Variants in CHM observed in about 807,000 individuals in gnomAD.
CHM encodes the protein CHM Rab escort protein, also known as rab proteins geranylgeranyltransferase component A 1.
In CHM, 10 loss-of-function variants were observed where a neutral mutation model predicts 49.0. The ratio of observed to expected loss-of-function variants is 0.20; its 90% CI spans 0.13 to 0.35. CHM has a LOEUF of 0.35. CHM is among the 10% of genes least tolerant of loss of function. CHM has a pLI of 1.00. For missense variants in CHM, 455 were observed against 478.4 expected, an observed-to-expected ratio of 0.95 and a Z score of 0.46; for synonymous variants, 184 against 167.5, an observed-to-expected ratio of 1.10 and a Z score of -0.76.
chrX:85,963,708 AT>A lies in CHM; in HGVS notation c.658del (p.Ile220LeufsTer12), dbSNP rs1930413031. 8.3e-7 allele frequency: 1 copy of A among 1,199,839 alleles called. No individual in the cohort carries two copies. Among genetic ancestry groups the A allele is most frequent in the Non-Finnish European group, 1.1e-6 (1 of 886,341 alleles). ...ATTAAATCTCCTGCCTTCTTTAATA[AT>A]TTGTGAGTAAGTAATTCTGTTTTTC... ...PKKNRITYSQ[I>X]IKEGRRFNID... On this transcript the variant is annotated frameshift_variant, in exon 5 of 15. Transcript: ENST00000357749. LOFTEE classifies it high-confidence loss of function.
intron 2 of CHM, among the ~76,000 whole-genome samples, chrX:86,023,406 C>A (rs1933684032): frequency 9.0e-6 from 1 of 110,984 alleles, no homozygotes; most frequent in South Asian, 3.8e-4. Context: ...CCAGCTCCAA[C>A]CCCTACTAGT....
chrX:86,001,371 T>C (rs765791741), intron 2 of CHM, among the ~76,000 whole-genome samples: 102 of 110,719 alleles, frequency 9.2e-4, no homozygotes, highest in Middle Eastern at 4.7e-3. Context: ...AAAAAAATAC[T>C]ATACTGCCAG....
chrX:85,864,735 G>C lies in CHM; in HGVS notation c.1857C>G (p.Asp619Glu), dbSNP rs775683467. 6 of 1,207,058 alleles carry C rather than the reference G, an allele frequency of 5.0e-6. No homozygotes were observed. The South Asian group carries it at 7.1e-5, about 14-fold the overall frequency. Residue 619 changes from aspartate to glutamate, a missense_variant, in exon 15 of 15, where the codon GAC becomes GAG. Physicochemically the swap from Asp to Glu is conservative, Grantham distance 45. Coordinates refer to ENST00000357749, the MANE Select transcript of CHM (RefSeq NM_000390.4). ...PNPEDIILDG[D>E]SLQPEASESS... Reference sequence around the variant, plus strand: ...ATTCTGAAGCCTCTGGCTGTAAACTGTCTCCATCAAGGATAATGTCTTCAG... The same window carrying C: ...ATTCTGAAGCCTCTGGCTGTAAACTCTCTCCATCAAGGATAATGTCTTCAG...
At chrX:85,884,769 T>C (rs769045293) in intron 12 of CHM, among the ~76,000 whole-genome samples, 2 of 110,914 alleles carry the variant, frequency 1.8e-5, no homozygotes, top group South Asian at 7.6e-4. Context: ...CTTAAGCACA[T>C]TCTTGAGCAC....
chrX:86,027,591 T>C (rs750326448), intron 1 of CHM, 34 bp from the exon 2 acceptor site: 1 of 1,109,334 alleles, frequency 9.0e-7, no homozygotes. Context: ...ATTTAGAATG[T>C]AGAAATATAT....
intron 11 of CHM, among the ~76,000 whole-genome samples, chrX:85,896,413 G>A (rs778102918): frequency 5.3e-4 from 59 of 111,311 alleles, no homozygotes; most frequent in Middle Eastern, 4.6e-3. Context: ...GAGAGGGAAG[G>A]AAGAAGTTGC....
At chrX:85,929,177 G>A (rs1603253591) in intron 8 of CHM, among the ~76,000 whole-genome samples, 1 of 111,615 alleles carries the variant, frequency 9.0e-6, no homozygotes, top group Admixed American at 9.5e-5. Context: ...CATTGGTATT[G>A]TCACAAACAC....
intron 1 of CHM, among the ~76,000 whole-genome samples, chrX:86,027,824 C>T (rs1933894308): frequency 9.1e-6 from 1 of 110,269 alleles, no homozygotes; most frequent in Admixed American, 9.7e-5. Context: ...AGTACAGTGG[C>T]GCGATCTCGG....
intron 14 of CHM, among the ~76,000 whole-genome samples, chrX:85,867,288 T>A (rs1490074441): frequency 9.0e-6 from 1 of 111,651 alleles, no homozygotes; most frequent in African/African-American, 3.3e-5. Context: ...CTTTCTTTGC[T>A]CTCCTGCCGC....
At chrX:85,976,684 A>C (rs1049239357) in intron 4 of CHM, among the ~76,000 whole-genome samples, 5 of 110,681 alleles carry the variant, frequency 4.5e-5, no homozygotes, top group Non-Finnish European at 9.5e-5. Context: ...GCCTAGTCCA[A>C]ACCCTTCCAA....
At chrX:86,013,208 A>T (rs182739095) in intron 2 of CHM, among the ~76,000 whole-genome samples, 1 of 110,842 alleles carries the variant, frequency 9.0e-6, no homozygotes, top group African/African-American at 3.3e-5. Flanking sequence ...GACCCTTCTA[A>T]TTGTCAGTGT....
intron 9 of CHM, among the ~76,000 whole-genome samples, chrX:85,908,021 T>A (rs1926710077): frequency 9.0e-6 from 1 of 111,382 alleles, no homozygotes; most frequent in Non-Finnish European, 1.9e-5. Flanking sequence ...GAACTTTGAC[T>A]CAAAGTATAA....
chrX:86,028,532 A>G (rs925834257), intron 1 of CHM, among the ~76,000 whole-genome samples: 2 of 111,878 alleles, frequency 1.8e-5, no homozygotes, highest in African/African-American at 6.5e-5. Flanking sequence ...AAACTTAATC[A>G]TACCATAAAG....
intron 2 of CHM, among the ~76,000 whole-genome samples, chrX:86,006,917 T>G (rs1932869853): frequency 9.0e-6 from 1 of 111,529 alleles, no homozygotes; most frequent in African/African-American, 3.3e-5. Flanking sequence ...TACTTTAAAG[T>G]TCATATGGAA....
intron 1 of CHM, among the ~76,000 whole-genome samples, chrX:86,032,540 G>GC (rs1934084218): frequency 9.0e-6 from 1 of 111,060 alleles, no homozygotes; most frequent in African/African-American, 3.3e-5. Flanking sequence ...CAAAGATCTA[G>GC]CAACTTAAAA....
intron 14 of CHM, 108 bp downstream of exon 14, chrX:85,872,944 G>A: frequency 1.4e-6 from 1 of 716,927 alleles, no homozygotes; most frequent in Non-Finnish European, 2.1e-6. Flanking sequence ...TTACAGAAAT[G>A]GTACTACTGA....
intron 11 of CHM, among the ~76,000 whole-genome samples, chrX:85,896,899 A>ATATGTAT: frequency 2.0e-5 from 2 of 98,700 alleles, no homozygotes; most frequent in African/African-American, 7.4e-5. Flanking sequence ...ATAGTATATA[A>ATATGTAT]TACATACTAT....
chrX:85,890,875 T>C (rs750943286), intron 12 of CHM, among the ~76,000 whole-genome samples: 3 of 111,377 alleles, frequency 2.7e-5, no homozygotes, highest in Non-Finnish European at 5.7e-5. Flanking sequence ...GTGGGAAAGT[T>C]TGGAACCTCC....
intron 8 of CHM, among the ~76,000 whole-genome samples, chrX:85,944,382 T>A (rs193178736): frequency 6.0e-4 from 67 of 111,750 alleles, no homozygotes; most frequent in African/African-American, 2.1e-3. Context: ...GAAAAAACAA[T>A]ATAAAATACC....
Sources: gnomAD v4.1 joint callset for allele counts (sites outside exome capture counted in the v4.1 genomes callset) on GRCh38, gnomAD v4.1.1 for gene constraint, MANE v1.5 for transcripts, NCBI Gene and HGNC (gene_info 2026-07-23, HGNC 2026-07-21) for gene names.